SYT1: variants seen among roughly 807,000 people sequenced by gnomAD.
SYT1 encodes synaptotagmin-1.
Under a neutral mutation model 44.8 loss-of-function variants are expected in SYT1, and 8 were observed. The observed-to-expected ratio is 0.18, with a 90% CI of 0.10 to 0.32. The LOEUF (loss-of-function observed/expected upper bound fraction) is 0.32, where lower values mean the gene tolerates loss of function less well. Among genes scored for constraint, SYT1 ranks in the 10% least tolerant of loss-of-function variants. The probability of loss-of-function intolerance (pLI) is 1.00; values close to 1 mark genes in which losing one functional copy is unlikely to be tolerated. For missense variants in SYT1, 286 were observed against 509.3 expected (o/e 0.56, Z 4.22); for synonymous variants, 154 against 188.8 (o/e 0.82, Z 1.51).
chr12:79,211,204 T>C (rs960024394), intron 3 of SYT1, among the ~76,000 whole-genome samples: 40 of 152,248 alleles, frequency 2.6e-4, no homozygotes, highest in African/African-American at 9.4e-4. Context: ...TCATAATTTG[T>C]GTTTTTACCT....
At chr12:79,309,524 AGTT>A (rs1880655815) in intron 8 of SYT1, among the ~76,000 whole-genome samples, 1 of 152,202 alleles carries the variant, frequency 6.6e-6, no homozygotes, top group Non-Finnish European at 1.5e-5. Flanking sequence ...TTGAGTTAAA[AGTT>A]GTTTGAACAT....
At chr12:79,120,943 A>C (rs11112861) in intron 3 of SYT1, among the ~76,000 whole-genome samples, 2,162 of 147,722 alleles carry the variant, frequency 0.015, 47 homozygotes, top group African/African-American at 0.051. Flanking sequence ...ATATATCTAT[A>C]TATATATATA....
At chr12:78,938,558 G>A (rs530054371) in intron 1 of SYT1, among the ~76,000 whole-genome samples, 1 of 152,106 alleles carries the variant, frequency 6.6e-6, no homozygotes, top group East Asian at 1.9e-4. Flanking sequence ...CAAGTAAAAA[G>A]GTCCTAAAAT....
chr12:79,300,379 C>T (rs1880079849), intron 8 of SYT1, among the ~76,000 whole-genome samples: 2 of 152,026 alleles, frequency 1.3e-5, no homozygotes, highest in Non-Finnish European at 2.9e-5. Flanking sequence ...TGTAATTACG[C>T]AAGAGATTGC....
At chr12:79,205,728 CA>C (rs1874082169) in intron 3 of SYT1, among the ~76,000 whole-genome samples, 1 of 151,916 alleles carries the variant, frequency 6.6e-6, no homozygotes, top group Admixed American at 6.6e-5. Context: ...AATATAGGTC[CA>C]AAGGGGAAAA....
chr12:78,893,521 A>G (rs1424058238), intron 1 of SYT1, among the ~76,000 whole-genome samples: 1 of 151,782 alleles, frequency 6.6e-6, no homozygotes, highest in Non-Finnish European at 1.5e-5. Context: ...TAAAATGCTC[A>G]CAAACTTAGA....
At chr12:79,264,187 T>TA (rs1877995353) in intron 4 of SYT1, among the ~76,000 whole-genome samples, 1 of 151,626 alleles carries the variant, frequency 6.6e-6, no homozygotes, top group Non-Finnish European at 1.5e-5. Flanking sequence ...CAGCAACTTT[T>TA]TTTTTTTTTT....
intron 8 of SYT1, among the ~76,000 whole-genome samples, chr12:79,352,947 G>A (rs1526950): frequency 0.089 from 13,514 of 152,176 alleles, 821 homozygotes; most frequent in Non-Finnish European, 0.13. Context: ...CTAAAAGTGC[G>A]AAACCTTATA....
At chr12:79,145,167 C>T (rs951488849) in intron 3 of SYT1, among the ~76,000 whole-genome samples, 1 of 152,132 alleles carries the variant, frequency 6.6e-6, no homozygotes, top group Non-Finnish European at 1.5e-5. Context: ...CTACTCTTCC[C>T]TTAAATGCTT....
intron 3 of SYT1, among the ~76,000 whole-genome samples, chr12:79,053,248 A>G (rs1325484797): frequency 6.6e-6 from 1 of 152,124 alleles, no homozygotes; most frequent in Non-Finnish European, 1.5e-5. Flanking sequence ...TCAGCAAACT[A>G]TCGCAAGGAT....
At chr12:79,429,087 A>G (rs1869618065) in intron 9 of SYT1, among the ~76,000 whole-genome samples, 1 of 152,206 alleles carries the variant, frequency 6.6e-6, no homozygotes, top group South Asian at 2.1e-4. Context: ...ATCCACCCCC[A>G]TGACCCCATG....
At chr12:79,334,530 A>G (rs962913639) in intron 8 of SYT1, among the ~76,000 whole-genome samples, 2 of 152,108 alleles carry the variant, frequency 1.3e-5, no homozygotes, top group African/African-American at 4.8e-5. Context: ...AAAACAAGGG[A>G]AGGGAAGTTG....
chr12:78,924,658 A>G (rs890240471), intron 1 of SYT1, among the ~76,000 whole-genome samples: 7 of 147,838 alleles, frequency 4.7e-5, no homozygotes, highest in African/African-American at 1.7e-4. Flanking sequence ...ATAAATATAT[A>G]TATTTGTATA....
At chr12:79,399,586 A>C (rs968598878) in intron 9 of SYT1, among the ~76,000 whole-genome samples, 25 of 152,336 alleles carry the variant, frequency 1.6e-4, no homozygotes, top group African/African-American at 5.5e-4. Context: ...AGTGTTGTCA[A>C]GTATACTCAT....
At position 79,178,949 on chromosome 12, in the gene SYT1, G is replaced by GATATATCT. The variant is rs1242457687; in HGVS notation, c.-17-38549_-17-38548insTCTATATA. Among the ~76,000 whole-genome samples, 16 of 51,860 alleles carry GATATATCT rather than the reference G, an allele frequency of 3.1e-4. 2 individuals are homozygous for GATATATCT. The highest frequency in any genetic ancestry group is 8.3e-4 in the East Asian group (2 of 2,420). The allele number at this position is 51,860 out of a possible 152,430, so 34.0% of individuals were successfully genotyped here. A position where few individuals can be genotyped will look rare whatever the true frequency, so the allele number is the denominator to read the frequency against. ...ATATATCTATATAGATATAGATATAGATATAGATATAGATATAGATATATA... is the reference window on the plus strand; with the variant it reads ...ATATATCTATATAGATATAGATATAGATATATCTATATAGATATAGATATAGATATATA... On this transcript the variant is annotated intron_variant, in intron 3 of 10. Transcript: ENST00000261205.
intron 3 of SYT1, among the ~76,000 whole-genome samples, chr12:79,130,943 T>C (rs1226880624): frequency 6.6e-6 from 1 of 152,068 alleles, no homozygotes; most frequent in African/African-American, 2.4e-5. Context: ...TTCAATCCAG[T>C]TGAGCATGAG....
intron 4 of SYT1, among the ~76,000 whole-genome samples, chr12:79,238,567 G>C (rs191134288): frequency 9.3e-4 from 141 of 152,290 alleles, no homozygotes; most frequent in African/African-American, 3.2e-3. Flanking sequence ...TCCATAAGAG[G>C]ACAAGTAGAA....
At chr12:79,015,229 T>G (rs1237818008) in intron 2 of SYT1, among the ~76,000 whole-genome samples, 10 of 151,882 alleles carry the variant, frequency 6.6e-5, no homozygotes, top group South Asian at 4.1e-4. Flanking sequence ...AAATAAAAAA[T>G]AAAAAAAGAA....
chr12:79,128,820 C>T (rs142109215), intron 3 of SYT1, among the ~76,000 whole-genome samples: 111 of 152,206 alleles, frequency 7.3e-4, no homozygotes, highest in African/African-American at 2.6e-3. Flanking sequence ...ATCATACTTA[C>T]CTTACTAACT....
Sources: gnomAD v4.1 joint callset for allele counts (sites outside exome capture counted in the v4.1 genomes callset) on GRCh38, gnomAD v4.1.1 for gene constraint, MANE v1.5 for transcripts, NCBI Gene and HGNC (gene_info 2026-07-23, HGNC 2026-07-21) for gene names.